ZNF346: variants seen among roughly 807,000 people sequenced by gnomAD.
ZNF346 encodes the protein double-stranded RNA-binding zinc finger protein JAZ.
In ZNF346, 23 loss-of-function variants were observed where a neutral mutation model predicts 33.7. That is an observed-to-expected ratio of 0.68 (90% CI 0.49 to 0.97). The LOEUF is 0.97. Ranked by LOEUF, ZNF346 falls within the 50% of genes least tolerant of loss-of-function variation. The pLI, the probability that ZNF346 is intolerant of heterozygous loss-of-function variation, is 0.00. For missense variants in ZNF346, 340 were observed against 371.1 expected (o/e 0.92, Z 0.69); for synonymous variants, 134 against 142.4 (o/e 0.94, Z 0.42).
At chr5:177,023,255 C>G in intron 1 of ZNF346, 1 of 1,497,810 alleles carries the variant, frequency 6.7e-7, no homozygotes, top group Non-Finnish European at 9.0e-7. Context: ...CCGAGTGCCC[C>G]TCACCACTCC....
chr5:177,027,016 C>T (rs1776880694), intron 1 of ZNF346, among the ~76,000 whole-genome samples: 1 of 151,890 alleles, frequency 6.6e-6, no homozygotes, highest in South Asian at 2.1e-4. Flanking sequence ...CTCTCTGGGC[C>T]CTGATCATTT....
intron 6 of ZNF346, 47 bp from the exon 7 acceptor site, chr5:177,064,465 C>T (rs1005512973): frequency 9.5e-6 from 14 of 1,480,978 alleles, no homozygotes; most frequent in Admixed American, 3.3e-5. Flanking sequence ...TAGGCCAATA[C>T]AGCTGCCACA....
At chr5:177,063,368 A>G (rs1782782385) in intron 6 of ZNF346, among the ~76,000 whole-genome samples, 1 of 152,222 alleles carries the variant, frequency 6.6e-6, no homozygotes, top group South Asian at 2.1e-4. Context: ...GTATTGGTGT[A>G]AAAAATGTCC....
At chr5:177,050,442 G>A (rs1581896123) in intron 4 of ZNF346, among the ~76,000 whole-genome samples, 1 of 152,190 alleles carries the variant, frequency 6.6e-6, no homozygotes, top group African/African-American at 2.4e-5. Context: ...GAAGCTCAGG[G>A]CCTCCTAAGA....
chr5:177,064,305 G>A (rs1468594252), intron 6 of ZNF346, among the ~76,000 whole-genome samples: 1 of 152,186 alleles, frequency 6.6e-6, no homozygotes, highest in Non-Finnish European at 1.5e-5. Flanking sequence ...TAAAATGAGG[G>A]TGCTGTTTCT....
Position 177,044,281 on chromosome 5 carries a change from T to G in ZNF346, c.373-108T>G, listed in dbSNP as rs1368151911. 7.2e-6 allele frequency: 8 copies of G among 1,107,948 alleles called. No homozygotes were observed. The African/African-American group carries it at 9.9e-5, about 14-fold the overall frequency. 68.6% of individuals were successfully genotyped at this position (1,107,948 alleles called of 1,614,324 possible). On this transcript the variant is annotated intron_variant, in intron 3 of 6. Transcript: ENST00000358149. ...TCTAGAAAGTAGGTTGGGGTTAATGTGTGAGGGGGGCCATAAATGCCTGTT... is the reference window on the plus strand; with the variant it reads ...TCTAGAAAGTAGGTTGGGGTTAATGGGTGAGGGGGGCCATAAATGCCTGTT...
chr5:177,028,040 C>CTT (rs10682528), intron 1 of ZNF346, among the ~76,000 whole-genome samples: 495 of 33,532 alleles, frequency 0.015, 145 homozygotes, highest in African/African-American at 0.039. Flanking sequence ...CCTTGTGTCA[C>CTT]TTTTTTTTTT....
exon 9 of ZNF346, chr5:177,080,594 C>T (rs244713): frequency 0.85 from 129,075 of 152,254 alleles, 55,336 homozygotes; most frequent in East Asian, 1. Context: ...AGCAGATCTC[C>T]TGTGGCCAGG....
intron 8 of ZNF346, among the ~76,000 whole-genome samples, chr5:177,076,973 G>T (rs370065755): frequency 1.3e-5 from 2 of 152,104 alleles, no homozygotes; most frequent in East Asian, 3.9e-4. Context: ...CCCAGGAGGC[G>T]GAGGTTGCAG....
downstream of ZNF346, among the ~76,000 whole-genome samples, chr5:177,069,463 AAAC>A (rs1242522133): frequency 1.3e-5 from 2 of 151,806 alleles, no homozygotes; most frequent in East Asian, 1.9e-4. Context: ...AAAAAAAAAA[AAAC>A]AAGTTGAGTT....
chr5:177,069,424 GCCTAGGTGACGT>G (rs1783397007), downstream of ZNF346, among the ~76,000 whole-genome samples: 1 of 148,584 alleles, frequency 6.7e-6, no homozygotes, highest in Non-Finnish European at 1.5e-5. Flanking sequence ...CTGCACTCCA[GCCTAGGTGACGT>G]AGTAAGACTC....
At chr5:177,035,741 T>A (rs1314506448) in intron 1 of ZNF346, among the ~76,000 whole-genome samples, 1 of 143,746 alleles carries the variant, frequency 7.0e-6, no homozygotes, top group African/African-American at 2.6e-5. Flanking sequence ...GTTCAATCGA[T>A]TCTCCTGCCT....
rs1783307886 is a variant in ZNF346 at position 177,067,884 on chromosome 5, C to T, written c.*3285C>T. Among the ~76,000 whole-genome samples the T allele has an allele frequency of 6.6e-6, 1 of 152,122 alleles. No homozygotes were observed. The highest frequency in any genetic ancestry group is 2.4e-5 in the African/African-American group (1 of 41,414). ...CTTTGGGAGGCCAAGGCGGGTGTAT[C>T]ACTTGCGGCCGGGAGTTTAAGACCA... On this transcript the variant is annotated 3_prime_UTR_variant, in exon 7 of 7. Transcript: ENST00000358149.
At chr5:177,023,172 C>A in intron 1 of ZNF346, 1 of 1,536,204 alleles carries the variant, frequency 6.5e-7, no homozygotes, top group Non-Finnish European at 8.7e-7. Flanking sequence ...CAGTTTTTCC[C>A]ACATTCGAGG....
At chr5:177,057,764 G>A (rs954567054) in intron 5 of ZNF346, among the ~76,000 whole-genome samples, 8 of 150,858 alleles carry the variant, frequency 5.3e-5, no homozygotes, top group Non-Finnish European at 8.9e-5. Flanking sequence ...AAAATCAGGT[G>A]TTCTACACCT....
intron 3 of ZNF346, among the ~76,000 whole-genome samples, chr5:177,043,021 T>C (rs1779560147): frequency 6.6e-6 from 1 of 152,106 alleles, no homozygotes; most frequent in African/African-American, 2.4e-5. Context: ...CCAGCTAATT[T>C]TTGTATTTTT....
chr5:177,054,700 G>T (rs1200813092), intron 5 of ZNF346, among the ~76,000 whole-genome samples: 1 of 151,922 alleles, frequency 6.6e-6, no homozygotes. Context: ...TGCCTGGCCG[G>T]CATTTTTTAT....
chr5:177,058,157 GA>G (rs1316959989), intron 5 of ZNF346, among the ~76,000 whole-genome samples: 5 of 150,532 alleles, frequency 3.3e-5, no homozygotes, highest in Non-Finnish European at 7.4e-5. Context: ...TGGATTTGAA[GA>G]ATATCGATAC....
chr5:177,034,516 C>T (rs984255022), intron 1 of ZNF346, among the ~76,000 whole-genome samples: 1 of 152,184 alleles, frequency 6.6e-6, no homozygotes, highest in African/African-American at 2.4e-5. Flanking sequence ...CATGAACCAT[C>T]ACACCCAACC....
Sources: gnomAD v4.1 joint callset for allele counts (sites outside exome capture counted in the v4.1 genomes callset) on GRCh38, gnomAD v4.1.1 for gene constraint, MANE v1.5 for transcripts, NCBI Gene and HGNC (gene_info 2026-07-23, HGNC 2026-07-21) for gene names.